Variants in ANKRD55 observed in about 807,000 individuals in gnomAD.
ANKRD55 encodes the protein ankyrin repeat domain-containing protein 55.
A neutral mutation model predicts 60.6 loss-of-function variants in ANKRD55; 41 were observed. The observed-to-expected ratio is 0.68, with a 90% CI of 0.53 to 0.88. The LOEUF (loss-of-function observed/expected upper bound fraction) is 0.88, where lower values mean the gene tolerates loss of function less well. ANKRD55 is among the 40% of genes least tolerant of loss of function. ANKRD55 has a pLI of 0.00. For synonymous variants in ANKRD55, 264 were observed against 290.3 expected (o/e 0.91, Z 0.92); for missense variants, 732 against 767.6 (o/e 0.95, Z 0.55).
At chr5:56,107,502 C>A (rs1242923771) in intron 10 of ANKRD55, among the ~76,000 whole-genome samples, 1 of 152,136 alleles carries the variant, frequency 6.6e-6, no homozygotes, top group African/African-American at 2.4e-5. Context: ...TGTACTAACT[C>A]TCCATCTAAT....
At chr5:56,192,974 C>T in intron 2 of ANKRD55, 1 of 747,158 alleles carries the variant, frequency 1.3e-6, no homozygotes, top group Non-Finnish European at 2.1e-6. Flanking sequence ...CAGAGATGAG[C>T]TATACTGGAA....
At chr5:56,176,049 C>T in intron 4 of ANKRD55, 103 bp downstream of exon 4, 1 of 1,425,988 alleles carries the variant, frequency 7.0e-7, no homozygotes, top group Non-Finnish European at 9.6e-7. Context: ...GCTCCTTTAG[C>T]CAGCTGCATA....
At chr5:56,102,004 TA>T (rs529965401) in intron 11 of ANKRD55, among the ~76,000 whole-genome samples, 2 of 151,934 alleles carry the variant, frequency 1.3e-5, no homozygotes, top group African/African-American at 2.4e-5. Context: ...GTTATTTTTT[TA>T]AAAAAAATAA....
chr5:56,206,386 G>C (rs1759510104), intron 2 of ANKRD55, among the ~76,000 whole-genome samples: 1 of 152,116 alleles, frequency 6.6e-6, no homozygotes, highest in Admixed American at 6.5e-5. Context: ...AGTAGTTCCC[G>C]AATGACTGGA....
intron 2 of ANKRD55, among the ~76,000 whole-genome samples, chr5:56,218,643 T>C (rs1759880428): frequency 1.3e-5 from 2 of 152,246 alleles, no homozygotes; most frequent in Non-Finnish European, 2.9e-5. Flanking sequence ...AACCAAAACT[T>C]TGTGTAACTC....
intron 2 of ANKRD55, chr5:56,193,430 T>C: frequency 1.8e-6 from 1 of 559,630 alleles, no homozygotes; most frequent in Non-Finnish European, 3.2e-6. Flanking sequence ...TATCCTCCTG[T>C]AGAGGGTCCT....
chr5:56,169,108 C>T (rs569304001), intron 5 of ANKRD55, among the ~76,000 whole-genome samples: 128 of 152,304 alleles, frequency 8.4e-4, no homozygotes, highest in Admixed American at 2.1e-3. Flanking sequence ...CCATCTGCCT[C>T]GGCCTCCCAA....
At chr5:56,192,076 A>G (rs1759107221) in intron 2 of ANKRD55, among the ~76,000 whole-genome samples, 1 of 152,190 alleles carries the variant, frequency 6.6e-6, no homozygotes, top group African/African-American at 2.4e-5. Context: ...CTACATAAAC[A>G]AACAATACCT....
chr5:56,198,681 T>C (rs1759283284), intron 2 of ANKRD55, among the ~76,000 whole-genome samples: 1 of 152,234 alleles, frequency 6.6e-6, no homozygotes, highest in African/African-American at 2.4e-5. Flanking sequence ...GCTTTGTTTT[T>C]CTTCTTTATA....
intron 2 of ANKRD55, among the ~76,000 whole-genome samples, chr5:56,190,907 G>C (rs1347207213): frequency 5.3e-5 from 8 of 152,186 alleles, no homozygotes; most frequent in Non-Finnish European, 4.4e-5. Flanking sequence ...CTTAATACTG[G>C]TACAATGACA....
At chr5:56,157,074 T>C (rs751831707) in intron 6 of ANKRD55, 1 of 153,288 alleles carries the variant, frequency 6.5e-6, no homozygotes, top group Non-Finnish European at 1.5e-5. Flanking sequence ...TCCATTTTGT[T>C]CTGTACTAAG....
In ANKRD55 at chr5:56,134,111, G is replaced by T. The variant is rs370044960; in HGVS notation, c.613-7005C>A. 3.6e-4 allele frequency among the ~76,000 whole-genome samples: 41 copies of T among 114,050 alleles called. 13 individuals carry two copies. In the East Asian group the frequency reaches 6.2e-3, roughly 17 times the overall value. The allele number at this position is 114,050 out of a possible 152,430, so 74.8% of individuals were successfully genotyped here. Reference sequence around the variant, plus strand: ...TACTTAATATCAGAAATGAAAAAAGGTACTTCACTACAGATCCCATGGACA... The same window carrying T: ...TACTTAATATCAGAAATGAAAAAAGTTACTTCACTACAGATCCCATGGACA... On this transcript the variant is annotated intron_variant, in intron 7 of 11. Transcript: ENST00000341048.
At chr5:56,185,703 T>C (rs1336132053) in intron 2 of ANKRD55, among the ~76,000 whole-genome samples, 3 of 152,128 alleles carry the variant, frequency 2.0e-5, no homozygotes, top group Non-Finnish European at 2.9e-5. Context: ...GAAAAAGGTT[T>C]TTTTAAGTTG....
chr5:56,207,517 A>G (rs973774514), intron 2 of ANKRD55, among the ~76,000 whole-genome samples: 4 of 152,186 alleles, frequency 2.6e-5, no homozygotes, highest in African/African-American at 9.7e-5. Flanking sequence ...ATCTACACAA[A>G]CCTAGATGGT....
chr5:56,208,599 A>G (rs901325040), intron 2 of ANKRD55, among the ~76,000 whole-genome samples: 1 of 151,796 alleles, frequency 6.6e-6, no homozygotes, highest in East Asian at 1.9e-4. Flanking sequence ...TAATTTTTGT[A>G]TTTTTAGAAG....
Position 56,218,587 on chromosome 5 carries a change from A to T in ANKRD55, c.58+14269T>A, listed in dbSNP as rs1257998922. On this transcript the variant is annotated intron_variant, in intron 2 of 11. Transcript: ENST00000341048. The stretch of plus-strand genomic sequence containing the variant: ...TTAGACAAAATGCTGTTGCATACTT[A>T]ATAGATTACAGTACAGCATAAACCT... 2.6e-5 allele frequency among the ~76,000 whole-genome samples: 4 copies of T among 152,258 alleles called. No individual in the cohort carries two copies. The East Asian group carries it at 7.7e-4, about 29-fold the overall frequency.
At chr5:56,150,349 C>T (rs889251510) in intron 6 of ANKRD55, among the ~76,000 whole-genome samples, 11 of 151,810 alleles carry the variant, frequency 7.2e-5, no homozygotes, top group Non-Finnish European at 1.0e-4. Context: ...TCTTATTTAA[C>T]GCATTAATAA....
At position 56,111,627 on chromosome 5, in the gene ANKRD55, T is replaced by C. The variant is rs770663123; in HGVS notation, c.1121A>G (p.Asp374Gly). The C allele has an allele frequency of 2.5e-6, 4 of 1,571,162 alleles. No individual in the cohort carries two copies. Among genetic ancestry groups the C allele is most frequent in the East Asian group, 2.2e-5 (1 of 44,748 alleles). ...DPSRDRYREE[D>G]TSEVNDIITT... The stretch of plus-strand genomic sequence containing the variant: ...GATGATGTCATTGACTTCTGAGGTG[T>C]CCTCCTCTCTGTATCGGTCCCTGCT... The change falls in exon 10 of 12, where the codon GAC (aspartate) becomes GGC (glycine). Residue 374 changes from aspartate to glycine, a missense_variant. Transcript: ENST00000341048.
intron 10 of ANKRD55, among the ~76,000 whole-genome samples, chr5:56,108,068 T>C (rs1756546966): frequency 6.6e-6 from 1 of 151,968 alleles, no homozygotes; most frequent in Non-Finnish European, 1.5e-5. Flanking sequence ...AGACGAAGCT[T>C]AACCACGTTG....
Sources: gnomAD v4.1 joint callset for allele counts (sites outside exome capture counted in the v4.1 genomes callset) on GRCh38, gnomAD v4.1.1 for gene constraint, MANE v1.5 for transcripts, NCBI Gene and HGNC (gene_info 2026-07-23, HGNC 2026-07-21) for gene names.